AEBP2: variants seen among roughly 807,000 people sequenced by gnomAD.
The protein encoded by AEBP2 is zinc finger protein AEBP2.
A neutral mutation model predicts 50.8 loss-of-function variants in AEBP2; 10 were observed. The observed-to-expected ratio is 0.20, with a 90% CI of 0.12 to 0.33. The LOEUF (loss-of-function observed/expected upper bound fraction) is 0.33, where lower values mean the gene tolerates loss of function less well. Ranked by LOEUF, AEBP2 falls within the 10% of genes least tolerant of loss-of-function variation. AEBP2 has a pLI of 1.00. For missense variants in AEBP2, 570 were observed against 688.0 expected (o/e 0.83, Z 1.92); for synonymous variants, 296 against 261.3 (o/e 1.13, Z -1.28).
At chr12:19,405,621 G>A (rs2095735769) in intron 1 of AEBP2, among the ~76,000 whole-genome samples, 1 of 152,094 alleles carries the variant, frequency 6.6e-6, no homozygotes, top group Admixed American at 6.6e-5. Context: ...ACTGCGCCCG[G>A]CTGGATTTGT....
intron 1 of AEBP2, among the ~76,000 whole-genome samples, chr12:19,424,472 C>A (rs1475954444): frequency 2.0e-5 from 3 of 151,952 alleles, no homozygotes; most frequent in African/African-American, 7.2e-5. Context: ...TCTCGGCTCA[C>A]TGCAAGCTCT....
At chr12:19,468,991 C>G (rs993711374) in intron 2 of AEBP2, among the ~76,000 whole-genome samples, 2 of 152,240 alleles carry the variant, frequency 1.3e-5, no homozygotes, top group South Asian at 4.1e-4. Context: ...GTGGCGCCAT[C>G]TCAGCTCACT....
At chr12:19,516,523 A>G (rs866968119) in intron 7 of AEBP2, among the ~76,000 whole-genome samples, 1 of 152,240 alleles carries the variant, frequency 6.6e-6, no homozygotes, top group African/African-American at 2.4e-5. Context: ...CTTATGCCAT[A>G]TAGGAAGCAA....
rs1360764716 is a variant in AEBP2 at position 19,521,585 on chromosome 12, C to T, written c.*3468C>T. On this transcript the variant is annotated 3_prime_UTR_variant, in exon 8 of 8. Transcript: ENST00000266508. ...TACCTAAAGTGGACACATGTTACTT[C>T]TGAATTTCACATGAAAGGAAATTAA... is the stretch of plus-strand genomic sequence containing the variant. The T allele has an allele frequency of 6.6e-6, 1 of 151,926 alleles. No individual in the cohort carries two copies. Among genetic ancestry groups the T allele is most frequent in the South Asian group, 2.1e-4 (1 of 4,820 alleles). The allele number at this position is 151,926 out of a possible 1,614,324, so 9.4% of individuals were successfully genotyped here.
chr12:19,505,157 G>T (rs915910955), intron 5 of AEBP2, among the ~76,000 whole-genome samples: 14 of 152,216 alleles, frequency 9.2e-5, no homozygotes, highest in African/African-American at 3.4e-4. Flanking sequence ...CAAGGTTAGA[G>T]CCTTGCTCAC....
intron 3 of AEBP2, among the ~76,000 whole-genome samples, chr12:19,476,878 C>A (rs968571290): frequency 9.9e-5 from 15 of 152,218 alleles, no homozygotes; most frequent in South Asian, 4.1e-4. Context: ...ATGGGAATTG[C>A]GTTGAATCTG....
chr12:19,493,775 T>C, intron 3 of AEBP2, 25 bp from the exon 4 acceptor site: 1 of 1,608,504 alleles, frequency 6.2e-7, no homozygotes, highest in Non-Finnish European at 8.5e-7. Context: ...ATGCCTGACG[T>C]TATTTCTGTT....
chr12:19,505,429 C>T (rs1454683765), intron 5 of AEBP2, among the ~76,000 whole-genome samples: 1 of 152,044 alleles, frequency 6.6e-6, no homozygotes, highest in Non-Finnish European at 1.5e-5. Context: ...ACCAACCAAA[C>T]AAAAAATACC....
chr12:19,518,208 T>C lies in AEBP2; in HGVS notation c.*91T>C. 1.5e-6 allele frequency: 2 copies of C among 1,356,584 alleles called. No individual in the cohort carries two copies. Among genetic ancestry groups the C allele is most frequent in the South Asian group, 1.9e-5 (1 of 52,928 alleles). 84.0% of individuals were successfully genotyped at this position (1,356,584 alleles called of 1,614,324 possible). On this transcript the variant is annotated 3_prime_UTR_variant, in exon 8 of 8. Transcript: ENST00000266508. ...GTTTAGGGAAAGTTGCACATTAGAG[T>C]CAACCCCTTCTTTTTTTTTTTTTTT...
intron 1 of AEBP2, among the ~76,000 whole-genome samples, chr12:19,448,375 C>T (rs1055369904): frequency 5.9e-5 from 9 of 151,964 alleles, no homozygotes; most frequent in Non-Finnish European, 1.3e-4. Context: ...ATCCCAGCTA[C>T]TTGGGAGGCT....
intron 6 of AEBP2, among the ~76,000 whole-genome samples, chr12:19,512,669 CT>C (rs375847006): frequency 9.7e-4 from 142 of 146,806 alleles, no homozygotes; most frequent in Middle Eastern, 3.5e-3. Context: ...AGCCCCCCCT[CT>C]TTTTTTTTTT....
chr12:19,440,463 C>T (rs1373810833), intron 1 of AEBP2, 93 bp downstream of exon 1: 8 of 1,416,518 alleles, frequency 5.6e-6, no homozygotes, highest in East Asian at 5.0e-5. Flanking sequence ...CCGCGATCCC[C>T]CTGCTCCCCG....
intron 5 of AEBP2, among the ~76,000 whole-genome samples, chr12:19,500,534 C>T (rs1264980791): frequency 6.6e-6 from 1 of 152,168 alleles, no homozygotes; most frequent in African/African-American, 2.4e-5. Context: ...TGTCTTTTCT[C>T]ACCTGGTTTC....
Position 19,449,681 on chromosome 12 carries a change from A to G in AEBP2, c.671+9311A>G, listed in dbSNP as rs112543691. Among the ~76,000 whole-genome samples, 633 of 152,330 alleles carry G rather than the reference A, an allele frequency of 4.2e-3. 6 individuals carry two copies. Among genetic ancestry groups the G allele is most frequent in the African/African-American group, 0.015 (604 of 41,580 alleles). ...TTTCTTGATGATAAAAATTCATTTT[A>G]GCTTTTTAAATTACAGTGGTAATAG... On this transcript the variant is annotated intron_variant, in intron 1 of 7. Transcript: ENST00000266508.
chr12:19,416,517 T>C lies in AEBP2; in HGVS notation c.-17+12301T>C, dbSNP rs140714532. On this transcript the variant is annotated intron_variant, in intron 1 of 3. Transcript: ENST00000538425. ...GTCTCCCAGGCTCAAGCGATTCTCCTGCCTCAGGCTCCCGAGTAGCTGGGA... is the reference window on the plus strand; with the variant it reads ...GTCTCCCAGGCTCAAGCGATTCTCCCGCCTCAGGCTCCCGAGTAGCTGGGA... Among the ~76,000 whole-genome samples the C allele has an allele frequency of 2.8e-3, 429 of 152,146 alleles. 3 individuals are homozygous for C. The highest frequency in any genetic ancestry group is 9.9e-3 in the African/African-American group (409 of 41,522).
At chr12:19,444,499 G>A (rs775843072) in intron 1 of AEBP2, among the ~76,000 whole-genome samples, 1 of 152,230 alleles carries the variant, frequency 6.6e-6, no homozygotes, top group Non-Finnish European at 1.5e-5. Flanking sequence ...TTGGGAGGCC[G>A]AGGAGGGCAG....
rs902875265 is a variant in AEBP2 at position 19,439,808 on chromosome 12, G to A, written c.109G>A (p.Glu37Lys). 7.3e-6 allele frequency: 11 copies of A among 1,501,068 alleles called. No homozygotes were observed. The highest frequency in any genetic ancestry group is 4.9e-5 in the South Asian group (4 of 81,326). 93.0% of individuals were successfully genotyped at this position (1,501,068 alleles called of 1,614,324 possible). ...SAARGRAEPPEEEEEEEEEEE... is the reference protein window; with the variant it reads ...SAARGRAEPPKEEEEEEEEEE... ...GGCGCGGGGCCGGGCTGAGCCCCCC[G>A]AGGAGGAGGAGGAAGAGGAGGAGGA... The change falls in exon 1 of 8, where the codon GAG (glutamate) becomes AAG (lysine). Residue 37 changes from glutamate (E) to lysine (K), a missense_variant. By Grantham distance (56) the Glu-to-Lys change is moderately conservative (BLOSUM62 1). Around this residue, in one of 2 missense-constraint regions of AEBP2, gnomAD observed 386 missense variants for 336.8 expected, o/e 1.15. Transcript: ENST00000266508.
chr12:19,435,767 T>G (rs1323675609), upstream of AEBP2, among the ~76,000 whole-genome samples: 2 of 152,180 alleles, frequency 1.3e-5, no homozygotes, highest in Non-Finnish European at 2.9e-5. Flanking sequence ...ACTATACACT[T>G]TGTCGAAATC....
intron 1 of AEBP2, among the ~76,000 whole-genome samples, chr12:19,461,960 TTC>T (rs1948387301): frequency 6.6e-6 from 1 of 152,254 alleles, no homozygotes; most frequent in African/African-American, 2.4e-5. Context: ...GAGACCAGTT[TTC>T]TCTCTTCTGC....
Sources: gnomAD v4.1 joint callset for allele counts (sites outside exome capture counted in the v4.1 genomes callset) on GRCh38, gnomAD v4.1.1 for gene constraint, gnomAD v4.1.1 regional missense constraint, MANE v1.5 for transcripts, NCBI Gene and HGNC (gene_info 2026-07-23, HGNC 2026-07-21) for gene names.